PPM1G: variants seen among roughly 807,000 people sequenced by gnomAD.
The protein encoded by PPM1G is protein phosphatase, Mg2+/Mn2+ dependent 1G.
PPM1G carries 12 observed loss-of-function variants against 59.4 expected under a neutral mutation model. That is an observed-to-expected ratio of 0.20 (90% CI 0.13 to 0.33). The LOEUF is 0.33. PPM1G is among the 10% of genes least tolerant of loss of function. The pLI is 1.00. For missense variants in PPM1G, 392 were observed against 681.3 expected (o/e 0.58, Z 4.73); for synonymous variants, 245 against 251.9 (o/e 0.97, Z 0.26).
At chr2:27,393,439 T>TG (rs1683968359) in intron 1 of PPM1G, 1 of 980,060 alleles carries the variant, frequency 1.0e-6, no homozygotes, top group Non-Finnish European at 1.6e-6. Flanking sequence ...GCGGGGGCCT[T>TG]GGGGCAGTCC....
chr2:27,390,077 C>T (rs989552335), intron 1 of PPM1G, among the ~76,000 whole-genome samples: 1 of 151,260 alleles, frequency 6.6e-6, no homozygotes, highest in Non-Finnish European at 1.5e-5. Context: ...AGTAGAGTGG[C>T]GCGATCTAGG....
intron 1 of PPM1G, 74 bp from the exon 2 acceptor site, chr2:27,387,232 C>T (rs1328964713): frequency 1.6e-6 from 2 of 1,251,956 alleles, no homozygotes; most frequent in African/African-American, 1.5e-5. Context: ...ATCAATGTCA[C>T]CCCTTACTAA....
chr2:27,402,699 G>A (rs547500546), intron 1 of PPM1G, among the ~76,000 whole-genome samples: 2 of 151,270 alleles, frequency 1.3e-5, no homozygotes, highest in East Asian at 1.9e-4. Context: ...GTCCAGCTAC[G>A]CGGGAGGCTG....
chr2:27,384,763 A>G lies in PPM1G; in HGVS notation c.735T>C (p.Ser245=). ...ACTTAGCAACTCGAGGCAGCTTGTCAGAGGCTGAAGAGCAGGAAGGCCCAG... is the reference window on the plus strand; with the variant it reads ...ACTTAGCAACTCGAGGCAGCTTGTCGGAGGCTGAAGAGCAGGAAGGCCCAG... ...GEAGPSCSSA[S]DKLPRVAKSK... The change falls in exon 5 of 10, where the codon TCT becomes TCC. Residue 245 remains serine, a synonymous_variant. Transcript: ENST00000344034. The surrounding 1 kb of genome is among the most constrained non-coding windows in gnomAD (Gnocchi z 4.8). 3.7e-6 allele frequency: 6 copies of G among 1,614,230 alleles called. No individual in the cohort carries two copies. Among genetic ancestry groups the G allele is most frequent in the Middle Eastern group, 1.6e-4 (1 of 6,062 alleles).
chr2:27,388,438 A>T (rs534700504), intron 1 of PPM1G, among the ~76,000 whole-genome samples: 4 of 152,200 alleles, frequency 2.6e-5, no homozygotes, highest in Admixed American at 2.0e-4. Context: ...AATAAAAAAC[A>T]GTTGTAACCA....
chr2:27,405,978 G>T (rs1663353014), intron 1 of PPM1G, among the ~76,000 whole-genome samples: 1 of 152,030 alleles, frequency 6.6e-6, no homozygotes, highest in Non-Finnish European at 1.5e-5. Context: ...ACTCCAGCCT[G>T]GGCAACAAGA....
intron 9 of PPM1G, 143 bp from the exon 10 acceptor site, chr2:27,381,948 G>A: frequency 1.0e-6 from 1 of 1,004,452 alleles, no homozygotes; most frequent in Non-Finnish European, 1.5e-6. Flanking sequence ...CCACCTGCTA[G>A]TCCATAAGGC....
intron 1 of PPM1G, among the ~76,000 whole-genome samples, chr2:27,404,183 G>T (rs1185369367): frequency 1.3e-5 from 2 of 152,104 alleles, no homozygotes; most frequent in East Asian, 3.9e-4. Flanking sequence ...GCAATAAATA[G>T]CCAGCCTCCT....
chr2:27,395,195 T>C lies in PPM1G; in HGVS notation c.121-8037A>G, dbSNP rs141217004. Reference sequence around the variant, plus strand: ...GTTACAATGAGCCAAGACCGTGCCATTGCACTCCTGCCTGGGTGACAGAGT... The same window carrying C: ...GTTACAATGAGCCAAGACCGTGCCACTGCACTCCTGCCTGGGTGACAGAGT... On this transcript the variant is annotated intron_variant, in intron 1 of 9. Coordinates refer to ENST00000344034, the MANE Select transcript of PPM1G (RefSeq NM_177983.3). Among the ~76,000 whole-genome samples, 258 of 147,094 alleles carry C rather than the reference T, an allele frequency of 1.8e-3. 2 individuals are homozygous for C. The highest frequency in any genetic ancestry group is 5.9e-3 in the African/African-American group (231 of 39,358).
intron 1 of PPM1G, among the ~76,000 whole-genome samples, chr2:27,395,614 G>A (rs769243980): frequency 6.6e-6 from 1 of 152,066 alleles, no homozygotes; most frequent in Non-Finnish European, 1.5e-5. Flanking sequence ...AGGCTGAGGT[G>A]GGAGGATCAC....
At chr2:27,392,671 A>T in intron 1 of PPM1G, 3 of 685,288 alleles carry the variant, frequency 4.4e-6, no homozygotes, top group Non-Finnish European at 7.9e-6. Context: ...CAAAGAACTT[A>T]AGTGGGTGTC....
intron 1 of PPM1G, among the ~76,000 whole-genome samples, chr2:27,390,906 ACT>A (rs985093774): frequency 3.6e-5 from 5 of 137,884 alleles, no homozygotes; most frequent in Admixed American, 1.7e-4. Flanking sequence ...TTCAGCTCCC[ACT>A]CTCACTGCGT....
chr2:27,403,337 T>C (rs762624094), intron 1 of PPM1G, among the ~76,000 whole-genome samples: 5 of 151,774 alleles, frequency 3.3e-5, no homozygotes, highest in Non-Finnish European at 5.9e-5. Flanking sequence ...TCCCAGCTAC[T>C]TGGGAGGCTG....
At chr2:27,392,354 G>T (rs2148422208) in intron 1 of PPM1G, among the ~76,000 whole-genome samples, 1 of 147,444 alleles carries the variant, frequency 6.8e-6, no homozygotes, top group South Asian at 2.1e-4. Context: ...GAGTACAGTG[G>T]CATGATCTCA....
intron 1 of PPM1G, among the ~76,000 whole-genome samples, chr2:27,405,553 C>T (rs905676940): frequency 6.6e-6 from 1 of 151,520 alleles, no homozygotes; most frequent in Non-Finnish European, 1.5e-5. Context: ...AATTCTCTGG[C>T]CTCTGGCTAA....
intron 1 of PPM1G, among the ~76,000 whole-genome samples, chr2:27,401,032 AAC>A (rs200732052): frequency 0.013 from 1,983 of 152,316 alleles, 39 homozygotes; most frequent in African/African-American, 0.046. Context: ...TATTGCTGCA[AAC>A]ACAGAGATGG....
At chr2:27,398,255 G>A (rs561130236) in intron 1 of PPM1G, among the ~76,000 whole-genome samples, 1 of 152,168 alleles carries the variant, frequency 6.6e-6, no homozygotes, top group Non-Finnish European at 1.5e-5. Context: ...ATTCAATGGG[G>A]GAAAAGAACA....
intron 1 of PPM1G, among the ~76,000 whole-genome samples, chr2:27,397,501 C>T (rs372233627): frequency 7.2e-5 from 11 of 152,096 alleles, no homozygotes; most frequent in African/African-American, 2.7e-4. Flanking sequence ...TCAAATAAGA[C>T]TTATACACCA....
intron 1 of PPM1G, among the ~76,000 whole-genome samples, chr2:27,390,088 C>T (rs529521833): frequency 2.0e-5 from 3 of 151,690 alleles, no homozygotes; most frequent in East Asian, 3.9e-4. Context: ...GCGATCTAGG[C>T]TCACCATATC....
Sources: allele counts gnomAD v4.1 joint callset (sites outside exome capture counted in the v4.1 genomes callset), GRCh38; gene constraint gnomAD v4.1.1; non-coding constraint Gnocchi (gnomAD v3.1); transcripts MANE v1.5; gene names NCBI Gene and HGNC (gene_info 2026-07-23, HGNC 2026-07-21).